The following TRMT1L variants were observed in gnomAD, a reference collection of about 807,000 sequenced individuals.
TRMT1L encodes tRNA methyltransferase 1L.
TRMT1L carries 28 observed loss-of-function variants against 81.6 expected under a neutral mutation model. That is an observed-to-expected ratio of 0.34 (90% CI 0.25 to 0.47). The LOEUF is 0.47. Among genes scored for constraint, TRMT1L ranks in the 20% least tolerant of loss-of-function variants. TRMT1L has a pLI of 1.00. For synonymous variants in TRMT1L, 301 were observed against 303.2 expected, an observed-to-expected ratio of 0.99 and a Z score of 0.07; for missense variants, 739 against 877.1, an observed-to-expected ratio of 0.84 and a Z score of 1.99.
chr1:185,142,104 A>T (rs1653065341), intron 7 of TRMT1L, among the ~76,000 whole-genome samples: 1 of 152,244 alleles, frequency 6.6e-6, no homozygotes, highest in Non-Finnish European at 1.5e-5. Flanking sequence ...ACATGATTCA[A>T]ATTTCAAATC....
In TRMT1L at chr1:185,156,857, G is replaced by T; in HGVS notation, c.-145C>A. On this transcript the variant is annotated 5_prime_UTR_variant, in exon 1 of 15. Coordinates refer to ENST00000367506, the MANE Select transcript of TRMT1L (RefSeq NM_030934.5). ...GGCGGGATGCGTGCAACAGACAAAA[G>T]ATGAAGAACCAGTGACCAAATCCTG... 1 of 1,152,962 alleles carries T rather than the reference G, an allele frequency of 8.7e-7. No individual in the cohort carries two copies. The allele number at this position is 1,152,962 out of a possible 1,614,324, so 71.4% of individuals were successfully genotyped here.
intron 3 of TRMT1L, 66 bp downstream of exon 3, chr1:185,150,313 G>T: frequency 8.7e-7 from 1 of 1,144,330 alleles, no homozygotes. Context: ...TGATAAAAAT[G>T]CCAAAACTGG....
intron 10 of TRMT1L, among the ~76,000 whole-genome samples, chr1:185,131,674 G>A (rs997569194): frequency 6.6e-6 from 1 of 151,978 alleles, no homozygotes; most frequent in African/African-American, 2.4e-5. Flanking sequence ...ATAAGAGTTG[G>A]AAAATAAAAA....
chr1:185,145,150 G>A (rs141645727), intron 5 of TRMT1L, among the ~76,000 whole-genome samples: 10 of 151,914 alleles, frequency 6.6e-5, no homozygotes, highest in Admixed American at 2.0e-4. Context: ...AGTTAAGGGT[G>A]TAAAAGCTGT....
At position 185,151,131 on chromosome 1, in the gene TRMT1L, C is replaced by T. The variant is rs542489662; in HGVS notation, c.347-639G>A. Among the ~76,000 whole-genome samples, 6 of 152,192 alleles carry T rather than the reference C, an allele frequency of 3.9e-5. No homozygotes were observed. In the East Asian group the frequency reaches 1.2e-3, roughly 29 times the overall value. ...TTATTTAATTAGAAATATAATGTAT[C>T]TCAAATAAAAACTTTGATAGTATAG... On this transcript the variant is annotated intron_variant, in intron 2 of 14. Coordinates refer to ENST00000367506, the MANE Select transcript of TRMT1L (RefSeq NM_030934.5).
At chr1:185,152,663 T>C (rs74134426) in intron 1 of TRMT1L, among the ~76,000 whole-genome samples, 1,748 of 152,080 alleles carry the variant, frequency 0.011, 33 homozygotes, top group African/African-American at 0.039. Flanking sequence ...AATAGAAGGT[T>C]AAAAAAATAA....
intron 2 of TRMT1L, 130 bp from the exon 3 acceptor site, chr1:185,150,622 C>A (rs1653317680): frequency 8.8e-6 from 6 of 679,966 alleles, no homozygotes; most frequent in South Asian, 3.4e-5. Flanking sequence ...AGGGAGAAGT[C>A]ATTATTCTTG....
At chr1:185,151,218 A>C (rs1466395177) in intron 2 of TRMT1L, among the ~76,000 whole-genome samples, 2 of 152,194 alleles carry the variant, frequency 1.3e-5, no homozygotes, top group African/African-American at 4.8e-5. Context: ...AGAATCATTA[A>C]TAACTCATTT....
Position 185,143,778 on chromosome 1 carries a change from T to G in TRMT1L, c.779+128A>C, listed in dbSNP as rs1653112871. 3.6e-6 allele frequency: 3 copies of G among 830,970 alleles called. No homozygotes were observed. The South Asian group carries it at 1.0e-4, about 29-fold the overall frequency. 51.5% of individuals were successfully genotyped at this position (830,970 alleles called of 1,614,324 possible). On this transcript the variant is annotated intron_variant, in intron 6 of 14. Coordinates refer to ENST00000367506, the MANE Select transcript of TRMT1L (RefSeq NM_030934.5). ...AAAGAAACAATTCTTCTGAGAAAAA[T>G]GTTAAAACAGATGATTTTTATTCTG...
intron 10 of TRMT1L, among the ~76,000 whole-genome samples, chr1:185,132,444 A>C (rs1472494521): frequency 6.6e-6 from 1 of 151,606 alleles, no homozygotes; most frequent in Non-Finnish European, 1.5e-5. Context: ...GCTTGAATCT[A>C]GCAGGTGAAG....
chr1:185,124,341 GTTT>G (rs145314848), intron 12 of TRMT1L, among the ~76,000 whole-genome samples: 1 of 146,698 alleles, frequency 6.8e-6, no homozygotes, highest in African/African-American at 2.5e-5. Context: ...GACCTTTAGT[GTTT>G]TTTTTTTCTT....
intron 9 of TRMT1L, 49 bp downstream of exon 9, chr1:185,139,316 CTT>C (rs1375390388): frequency 1.4e-6 from 2 of 1,469,806 alleles, no homozygotes; most frequent in African/African-American, 2.8e-5. Flanking sequence ...AATATTATCT[CTT>C]TTTATCAAAT....
intron 7 of TRMT1L, among the ~76,000 whole-genome samples, chr1:185,141,703 C>G (rs1207694321): frequency 4.0e-5 from 6 of 151,848 alleles, no homozygotes; most frequent in Admixed American, 3.9e-4. Context: ...AACTCTGTCT[C>G]AAAAGAGTAA....
chr1:185,151,996 T>A (rs1391426674), intron 1 of TRMT1L, 61 bp from the exon 2 acceptor site: 13 of 1,032,072 alleles, frequency 1.3e-5, no homozygotes, highest in Non-Finnish European at 1.7e-5. Flanking sequence ...CCATTTTTAT[T>A]GATCACATCG....
rs778911808 is a variant in TRMT1L at position 185,147,200 on chromosome 1, T to C, written c.507A>G (p.Pro169=). The C allele has an allele frequency of 7.4e-5, 119 of 1,609,918 alleles. No individual in the cohort carries two copies. Among genetic ancestry groups the C allele is most frequent in the Non-Finnish European group, 9.9e-5 (116 of 1,177,364 alleles). Residue 169 remains proline, a synonymous_variant, in exon 4 of 15, where the codon CCA becomes CCG. Coordinates refer to ENST00000367506, the MANE Select transcript of TRMT1L (RefSeq NM_030934.5). ...ICHLPCRPVK[P]NIIGEQITSK... ...TGATCACCTGTTCTCCAATAATGTT[T>C]GGTTTCACTGGTCGACAAGGTAAGT...
At chr1:185,132,537 A>C (rs1652798554) in intron 10 of TRMT1L, among the ~76,000 whole-genome samples, 1 of 151,190 alleles carries the variant, frequency 6.6e-6, no homozygotes. Flanking sequence ...AATAAATAAA[A>C]ATAAAAATAA....
intron 4 of TRMT1L, 30 bp from the exon 5 acceptor site, chr1:185,145,598 G>T: frequency 6.2e-7 from 1 of 1,602,962 alleles, no homozygotes; most frequent in Middle Eastern, 1.7e-4. Context: ...ATTTAAATAA[G>T]TTGCTAAGAC....
chr1:185,132,260 G>A (rs1652789695), intron 10 of TRMT1L, among the ~76,000 whole-genome samples: 1 of 152,088 alleles, frequency 6.6e-6, no homozygotes, highest in Admixed American at 6.6e-5. Context: ...GCTCATGCCT[G>A]TAATCCCAGC....
chr1:185,136,912 T>C (rs1652913718), intron 10 of TRMT1L, among the ~76,000 whole-genome samples: 1 of 151,948 alleles, frequency 6.6e-6, no homozygotes, highest in African/African-American at 2.4e-5. Context: ...AATCCAGGAA[T>C]AGGAAAGCTC....
Sources: allele counts gnomAD v4.1 joint callset (sites outside exome capture counted in the v4.1 genomes callset), GRCh38; gene constraint gnomAD v4.1.1; transcripts MANE v1.5; gene names NCBI Gene and HGNC (gene_info 2026-07-23, HGNC 2026-07-21).